PPT1: variants seen among roughly 807,000 people sequenced by gnomAD.
PPT1 encodes the protein ceroid-palmitoyl-palmitoyl-protein thioesterase 1.
PPT1 carries 24 observed loss-of-function variants against 44.0 expected under a neutral mutation model. That is an observed-to-expected ratio of 0.54 (90% CI 0.39 to 0.77). The LOEUF (loss-of-function observed/expected upper bound fraction) is 0.77. Among genes scored for constraint, PPT1 ranks in the 30% least tolerant of loss-of-function variants. PPT1 has a pLI of 0.00. For synonymous variants in PPT1, 148 were observed against 140.2 expected (o/e 1.06, Z -0.39); for missense variants, 341 against 378.8 (o/e 0.90, Z 0.83).
In PPT1 at chr1:40,073,919, T is replaced by C. The variant is rs1648418280; in HGVS notation, c.*142A>G. 2 of 1,146,122 alleles carry C rather than the reference T, an allele frequency of 1.7e-6. No individual in the cohort carries two copies. The highest frequency in any genetic ancestry group is 2.6e-5 in the South Asian group (2 of 78,386). The allele number at this position is 1,146,122 out of a possible 1,614,324, so 71.0% of individuals were successfully genotyped here. On this transcript the variant is annotated 3_prime_UTR_variant, in exon 9 of 9. Coordinates refer to ENST00000642050, the MANE Select transcript of PPT1 (RefSeq NM_000310.4). ...AAGGATAAGATTCAGATCTTAGATC[T>C]TTCCAAGTAGGGCATGTTAGATGAT...
In PPT1 at chr1:40,073,869, C is replaced by T. The variant is rs943634953; in HGVS notation, c.*192G>A. Reference sequence around the variant, plus strand: ...CCATGGTAATTAAACTTGCATTCAACACCATATGGTAACAGAAGATGGCAA... The same window carrying T: ...CCATGGTAATTAAACTTGCATTCAATACCATATGGTAACAGAAGATGGCAA... On this transcript the variant is annotated 3_prime_UTR_variant, in exon 9 of 9. Coordinates refer to ENST00000642050, the MANE Select transcript of PPT1 (RefSeq NM_000310.4). The T allele has an allele frequency of 1.3e-6, 1 of 778,006 alleles. No individual in the cohort carries two copies. 48.2% of individuals were successfully genotyped at this position (778,006 alleles called of 1,614,324 possible).
At chr1:40,090,650 A>G (rs968866357) in intron 4 of PPT1, among the ~76,000 whole-genome samples, 4 of 152,196 alleles carry the variant, frequency 2.6e-5, no homozygotes, top group African/African-American at 9.7e-5. Flanking sequence ...TTTCCTACCT[A>G]TTATTTCACT....
At chr1:40,084,575 G>C (rs1649155806) in intron 5 of PPT1, among the ~76,000 whole-genome samples, 1 of 152,178 alleles carries the variant, frequency 6.6e-6, no homozygotes, top group South Asian at 2.1e-4. Context: ...ACCCCAATGT[G>C]GGCAGCAGGC....
intron 5 of PPT1, among the ~76,000 whole-genome samples, chr1:40,084,608 A>G (rs1189316849): frequency 6.6e-6 from 1 of 152,220 alleles, no homozygotes; most frequent in Non-Finnish European, 1.5e-5. Context: ...GAGGCAAGAG[A>G]CCGAGGGCAT....
chr1:40,089,335 A>G, intron 5 of PPT1, 75 bp downstream of exon 5: 1 of 1,046,066 alleles, frequency 9.6e-7, no homozygotes, highest in East Asian at 2.5e-5. Flanking sequence ...TGCTGGAATC[A>G]CTGTGAGCAT....
chr1:40,092,261 A>G (rs1649607034), intron 2 of PPT1, 89 bp from the exon 3 acceptor site: 3 of 1,580,474 alleles, frequency 1.9e-6, no homozygotes, highest in East Asian at 2.2e-5. Flanking sequence ...TTAGGTTGGT[A>G]TCCTCACATG....
chr1:40,080,363 C>T (rs774627691), intron 6 of PPT1, 34 bp downstream of exon 6: 27 of 1,584,942 alleles, frequency 1.7e-5, no homozygotes, highest in Admixed American at 1.0e-4. Context: ...GGAAAAAGAA[C>T]GCACATCTAT....
At chr1:40,088,143 CTTTTTTTT>C (rs869306144) in intron 5 of PPT1, among the ~76,000 whole-genome samples, 1 of 139,728 alleles carries the variant, frequency 7.2e-6, no homozygotes, top group Non-Finnish European at 1.6e-5. Flanking sequence ...ACCATCAAAA[CTTTTTTTT>C]TTTTTTTTTT....
At chr1:40,095,347 G>A (rs1318793718) in intron 1 of PPT1, among the ~76,000 whole-genome samples, 2 of 152,170 alleles carry the variant, frequency 1.3e-5, no homozygotes, top group South Asian at 2.1e-4. Context: ...CTCTGTGTAC[G>A]CTCATTTCCT....
At chr1:40,075,667 A>G (rs1007396919) in intron 8 of PPT1, among the ~76,000 whole-genome samples, 2 of 152,014 alleles carry the variant, frequency 1.3e-5, no homozygotes, top group African/African-American at 2.4e-5. Context: ...TCTGTCTCCA[A>G]TATAAAATCC....
intron 3 of PPT1, 66 bp downstream of exon 3, chr1:40,091,979 T>TAAATAAA (rs1649588390): frequency 6.3e-7 from 1 of 1,582,880 alleles, no homozygotes; most frequent in Admixed American, 1.7e-5. Context: ...GGAGTGGATT[T>TAAATAAA]ATCTGAATAA....
Position 40,089,443 on chromosome 1 carries a change from T to C in PPT1, c.503A>G (p.Asn168Ser), listed in dbSNP as rs1243682841. Residue 168 changes from asparagine to serine, a missense_variant, in exon 5 of 9, where the codon AAT (asparagine) becomes AGT (serine). Asn to Ser is a conservative substitution (Grantham distance 46). Transcript: ENST00000642050. ...HICDFIRKTL[N>S]AGAYSKVVQE... ...AACAACTTTGGAGTACGCCCCAGCA[T>C]TCAGTGTTTTTCGGATGAAGTCACA... is the stretch of plus-strand genomic sequence containing the variant. 2.5e-6 allele frequency: 4 copies of C among 1,614,014 alleles called. No individual in the cohort carries two copies. The highest frequency in any genetic ancestry group is 3.4e-6 in the Non-Finnish European group (4 of 1,180,034).
At chr1:40,077,952 G>C (rs1289483437) in intron 7 of PPT1, among the ~76,000 whole-genome samples, 1 of 152,140 alleles carries the variant, frequency 6.6e-6, no homozygotes, top group African/African-American at 2.4e-5. Flanking sequence ...TATATATTTT[G>C]GGCTAGTGAT....
chr1:40,092,248 C>T (rs1175699319), intron 2 of PPT1, 76 bp from the exon 3 acceptor site: 2 of 1,597,306 alleles, frequency 1.3e-6, no homozygotes, highest in Non-Finnish European at 1.7e-6. Flanking sequence ...GAGGTAAACT[C>T]ATTTAGGTTG....
chr1:40,091,954 C>G (rs1039809161), intron 3 of PPT1, 91 bp downstream of exon 3: 184 of 1,498,776 alleles, frequency 1.2e-4, no homozygotes, highest in Non-Finnish European at 1.6e-4. Flanking sequence ...AGATAGGTGA[C>G]AATCTTGAAT....
chr1:40,096,480 A>C (rs1004982065), intron 1 of PPT1, among the ~76,000 whole-genome samples: 1 of 152,198 alleles, frequency 6.6e-6, no homozygotes, highest in African/African-American at 2.4e-5. Flanking sequence ...TGATGCCACA[A>C]GTGGAAAATT....
intron 1 of PPT1, among the ~76,000 whole-genome samples, chr1:40,093,128 TC>T (rs1649659691): frequency 6.6e-6 from 1 of 152,118 alleles, no homozygotes; most frequent in African/African-American, 2.4e-5. Flanking sequence ...AATCCAGCAG[TC>T]CATCAATGAA....
At chr1:40,072,536 G>C (rs1052561330), downstream of PPT1, 11 of 154,360 alleles carry the variant, frequency 7.1e-5, no homozygotes, top group African/African-American at 2.6e-4. Context: ...ACTTTTTTTT[G>C]GTGGGAAGAG....
Position 40,092,404 on chromosome 1 carries a change from C to A in PPT1, c.228G>T (p.Leu76=). ...YVLSLEIGKT[L]MEDVENSFFL... is the part of the protein sequence containing the mutation. The stretch of plus-strand genomic sequence containing the variant: ...CAGCTGTGAAGCGCCTTACCTCCAT[C>A]AGGGTCTTCCCAATCTCTAAAGATA... Residue 76 remains leucine (L), a synonymous_variant, in exon 2 of 9, where the codon CTG becomes CTT. Coordinates refer to ENST00000642050, the MANE Select transcript of PPT1 (RefSeq NM_000310.4). 1 of 1,606,760 alleles carries A rather than the reference C, an allele frequency of 6.2e-7. No individual in the cohort carries two copies. The highest frequency in any genetic ancestry group is 1.3e-5 in the African/African-American group (1 of 74,868).
Sources: gnomAD v4.1 joint callset for allele counts (sites outside exome capture counted in the v4.1 genomes callset) on GRCh38, gnomAD v4.1.1 for gene constraint, MANE v1.5 for transcripts, NCBI Gene and HGNC (gene_info 2026-07-23, HGNC 2026-07-21) for gene names.